The following ZSCAN25 variants were observed in gnomAD, a reference collection of about 807,000 sequenced individuals.
ZSCAN25 encodes zinc finger and SCAN domain-containing protein 25.
ZSCAN25 carries 27 observed loss-of-function variants against 38.7 expected under a neutral mutation model. That is an observed-to-expected ratio of 0.70 (90% CI 0.51 to 0.96). ZSCAN25 has a LOEUF of 0.96. ZSCAN25 is among the 40% of genes least tolerant of loss of function. The probability of loss-of-function intolerance (pLI) is 0.00; values close to 1 mark genes in which losing one functional copy is unlikely to be tolerated. For missense variants in ZSCAN25, 637 were observed against 705.9 expected, an observed-to-expected ratio of 0.90 and a Z score of 1.11; for synonymous variants, 273 against 277.7, an observed-to-expected ratio of 0.98 and a Z score of 0.17.
chr7:99,621,551 A>G lies in ZSCAN25; in HGVS notation c.566A>G (p.Glu189Gly). 6.7e-7 allele frequency: 1 copy of G among 1,491,036 alleles called. No individual in the cohort carries two copies. Among genetic ancestry groups the G allele is most frequent in the Non-Finnish European group, 9.0e-7 (1 of 1,107,350 alleles). The allele number at this position is 1,491,036 out of a possible 1,614,324, so 92.4% of individuals were successfully genotyped here. A position where few individuals can be genotyped will look rare whatever the true frequency, so the allele number is the denominator to read the frequency against. The change falls in exon 5 of 8, where the codon GAG becomes GGG. Residue 189 changes from glutamate to glycine, a missense_variant. By Grantham distance (98) the Glu-to-Gly change is moderately conservative (BLOSUM62 -2). Coordinates refer to ENST00000394152, the MANE Select transcript of ZSCAN25 (RefSeq NM_145115.3). ...EEQLSQDPGDETRAFQEQALP... is the reference protein window; with the variant it reads ...EEQLSQDPGDGTRAFQEQALP... ...CAGCTCAGTCAGGACCCTGGAGATG[A>G]GACACGGGCCTTCCAGGAGCAAGGT...
the ZSCAN25 span, among the ~76,000 whole-genome samples, chr7:99,721,928 T>A: frequency 9.9e-5 from 15 of 152,284 alleles, no homozygotes; most frequent in East Asian, 2.7e-3. Flanking sequence ...ACAAAAATAT[T>A]TCTGCAAGGA....
At chr7:99,711,024 G>T in the ZSCAN25 span, 3 of 1,469,732 alleles carry the variant, frequency 2.0e-6, no homozygotes, top group Middle Eastern at 2.1e-4. Context: ...GAGTCTCACT[G>T]GGGGTGGTTT....
the ZSCAN25 span, chr7:99,674,103 T>C: frequency 6.5e-6 from 1 of 154,266 alleles, no homozygotes; most frequent in Middle Eastern, 3.4e-3. Context: ...AACAAAACTA[T>C]TACAAAAGTG....
chr7:99,711,385 T>G, the ZSCAN25 span, among the ~76,000 whole-genome samples: 486 of 152,334 alleles, frequency 3.2e-3, 1 homozygote, highest in African/African-American at 0.011. Flanking sequence ...TAGATATGTT[T>G]GAGGGAACTT....
the ZSCAN25 span, chr7:99,652,553 C>A: frequency 3.8e-6 from 6 of 1,599,042 alleles, no homozygotes; most frequent in African/African-American, 5.4e-5. Flanking sequence ...AGACTTGTAC[C>A]TTTCAGGGCG....
intron 7 of ZSCAN25, among the ~76,000 whole-genome samples, chr7:99,626,756 A>G (rs1807502575): frequency 6.6e-6 from 1 of 152,218 alleles, no homozygotes; most frequent in East Asian, 1.9e-4. Flanking sequence ...AAATAATATC[A>G]TGAACCATTG....
the ZSCAN25 span, among the ~76,000 whole-genome samples, chr7:99,725,078 A>C: frequency 6.6e-6 from 1 of 152,098 alleles, no homozygotes; most frequent in Non-Finnish European, 1.5e-5. Context: ...GTGAGATTAC[A>C]TGGTCTCCTG....
chr7:99,690,600 GA>G, the ZSCAN25 span, among the ~76,000 whole-genome samples: 3 of 151,740 alleles, frequency 2.0e-5, no homozygotes, highest in African/African-American at 4.8e-5. Flanking sequence ...AAATTTACAA[GA>G]AAAAAACAAC....
At position 99,621,480 on chromosome 7, in the gene ZSCAN25, GC is replaced by G; in HGVS notation, c.500del (p.Pro167LeufsTer44). ...PVEVKPEWGM[P>X]PGEGVQGPDP... ...TGGAGGTCAAGCCTGAATGGGGGAT[GC>G]CCCCTGGGGAAGGAGTTCAAGGTCC... On this transcript the variant is annotated frameshift_variant, in exon 5 of 8. Transcript: ENST00000394152. LOFTEE classifies it high-confidence loss of function. 1.3e-6 allele frequency: 2 copies of G among 1,578,178 alleles called. No homozygotes were observed. The highest frequency in any genetic ancestry group is 1.7e-6 in the Non-Finnish European group (2 of 1,157,734).
the ZSCAN25 span, among the ~76,000 whole-genome samples, chr7:99,657,905 C>T: frequency 1.7e-3 from 265 of 152,232 alleles, no homozygotes; most frequent in African/African-American, 6.2e-3. Context: ...AGGATTGCAA[C>T]CCCTGCCTTT....
chr7:99,676,065 G>A, the ZSCAN25 span: 1 of 1,517,552 alleles, frequency 6.6e-7, no homozygotes, highest in Non-Finnish European at 9.1e-7. Flanking sequence ...ATGGAACTAA[G>A]CTGATGTTTG....
chr7:99,685,232 G>A, the ZSCAN25 span: 2 of 1,613,580 alleles, frequency 1.2e-6, no homozygotes, highest in Non-Finnish European at 8.5e-7. Context: ...AATTTCAGCG[G>A]GATCTGCAAC....
At chr7:99,735,002 G>C in the ZSCAN25 span, 1 of 1,613,814 alleles carries the variant, frequency 6.2e-7, no homozygotes, top group South Asian at 1.1e-5. Flanking sequence ...ACAGAGAAGA[G>C]GAGCCTGAAC....
chr7:99,668,167 C>G, the ZSCAN25 span, among the ~76,000 whole-genome samples: 1 of 152,194 alleles, frequency 6.6e-6, no homozygotes, highest in South Asian at 2.1e-4. Flanking sequence ...ACAAGAAAAA[C>G]AGTATCATTT....
the ZSCAN25 span, chr7:99,731,233 T>C: frequency 1.3e-6 from 2 of 1,523,342 alleles, no homozygotes; most frequent in East Asian, 2.3e-5. Flanking sequence ...ACTGAGGAAC[T>C]GGAATGATCA....
At chr7:99,638,333 C>T in the ZSCAN25 span, 1 of 1,605,686 alleles carries the variant, frequency 6.2e-7, no homozygotes. Flanking sequence ...AGTTCCTGTC[C>T]TGAATCCAGG....
chr7:99,638,978 C>T, the ZSCAN25 span, among the ~76,000 whole-genome samples: 116 of 152,362 alleles, frequency 7.6e-4, 2 homozygotes, highest in East Asian at 0.011. Flanking sequence ...CACCTGGGGC[C>T]GGAGTCTGCG....
the ZSCAN25 span, among the ~76,000 whole-genome samples, chr7:99,654,992 G>A: frequency 4.7e-3 from 712 of 152,296 alleles, 4 homozygotes; most frequent in African/African-American, 0.016. Context: ...TTTGTCAGAT[G>A]AGTAGGTTGC....
the ZSCAN25 span, chr7:99,714,723 A>T: frequency 1.2e-6 from 2 of 1,600,944 alleles, no homozygotes; most frequent in Non-Finnish European, 1.7e-6. Flanking sequence ...AACCATTGTG[A>T]ACATACAAAA....
Sources: allele counts gnomAD v4.1 joint callset (sites outside exome capture counted in the v4.1 genomes callset), GRCh38; gene constraint gnomAD v4.1.1; transcripts MANE v1.5; gene names NCBI Gene and HGNC (gene_info 2026-07-23, HGNC 2026-07-21).